Variants in MIER2 observed in about 807,000 individuals in gnomAD.
MIER2 encodes the protein mesoderm induction early response protein 2.
A neutral mutation model predicts 67.6 loss-of-function variants in MIER2; 30 were observed. The observed-to-expected ratio is 0.44, with a 90% CI of 0.33 to 0.60. The LOEUF is 0.60. Among genes scored for constraint, MIER2 ranks in the 20% least tolerant of loss-of-function variants. The probability of loss-of-function intolerance (pLI) is 0.02; values close to 1 mark genes in which losing one functional copy is unlikely to be tolerated. For synonymous variants in MIER2, 372 were observed against 312.6 expected, an observed-to-expected ratio of 1.19 and a Z score of -2.00; for missense variants, 702 against 745.1, an observed-to-expected ratio of 0.94 and a Z score of 0.67.
intron 3 of MIER2, among the ~76,000 whole-genome samples, chr19:330,628 C>T (rs933882585): frequency 3.2e-4 from 49 of 151,220 alleles, no homozygotes; most frequent in African/African-American, 1.2e-3. Flanking sequence ...TAAGCCCCAA[C>T]ATGACTATAT....
rs1970699767 is a variant in MIER2 at position 307,353 on chromosome 19, G to A, written c.1382C>T (p.Ala461Val). The change falls in exon 13 of 14, where the codon GCT becomes GTT. Residue 461 changes from alanine (A) to valine (V), a missense_variant. Ala to Val is a moderately conservative substitution (Grantham distance 64). This residue lies in a region of MIER2 where 254 missense variants were observed against 262.8 expected (regional missense o/e 0.97). Coordinates refer to ENST00000264819, the MANE Select transcript of MIER2 (RefSeq NM_017550.3). ...CCTTGGGCTGGCGTCTGGCTCCGGA[G>A]CAGTGACAGCTGGCTGGTATGAGGC... ...DPASYQPAVTAPEPDASPRLA... is the reference protein window; with the variant it reads ...DPASYQPAVTVPEPDASPRLA... The A allele has an allele frequency of 2.5e-6, 4 of 1,605,610 alleles. No individual in the cohort carries two copies. The highest frequency in any genetic ancestry group is 1.3e-5 in the African/African-American group (1 of 75,012).
chr19:323,218 C>A (rs947986887), intron 7 of MIER2, among the ~76,000 whole-genome samples: 1 of 134,644 alleles, frequency 7.4e-6, no homozygotes, highest in Non-Finnish European at 1.7e-5. Flanking sequence ...CACAACCACG[C>A]AGACAACTCG....
chr19:316,841 T>C (rs1971255880), intron 7 of MIER2, among the ~76,000 whole-genome samples: 1 of 151,922 alleles, frequency 6.6e-6, no homozygotes, highest in Non-Finnish European at 1.5e-5. Context: ...TGGTGGCGTG[T>C]GCCTGTAGTC....
intron 3 of MIER2, 72 bp from the exon 4 acceptor site, chr19:328,061 C>G (rs1222091766): frequency 6.3e-7 from 1 of 1,581,572 alleles, no homozygotes. Context: ...GTCCTCTTGC[C>G]TGAGCCTCAC....
rs1301937034 is a variant in MIER2 at position 305,845 on chromosome 19, G to C, written c.*845C>G. Reference sequence around the variant, plus strand: ...CCATCTTGCTAGGAAGCTTCCCACAGAAGGAAGACCTGCAGGGCTGGGGAA... The same window carrying C: ...CCATCTTGCTAGGAAGCTTCCCACACAAGGAAGACCTGCAGGGCTGGGGAA... On this transcript the variant is annotated 3_prime_UTR_variant, in exon 14 of 14. Transcript: ENST00000264819. 5.2e-5 allele frequency: 8 copies of C among 152,576 alleles called. No individual in the cohort carries two copies. Among genetic ancestry groups the C allele is most frequent in the African/African-American group, 1.7e-4 (7 of 41,472 alleles). 9.5% of individuals were successfully genotyped at this position (152,576 alleles called of 1,614,324 possible). A position where few individuals can be genotyped will look rare whatever the true frequency, so the allele number is the denominator to read the frequency against.
chr19:337,164 C>T (rs1972295829), intron 1 of MIER2, among the ~76,000 whole-genome samples: 2 of 152,036 alleles, frequency 1.3e-5, no homozygotes, highest in Non-Finnish European at 2.9e-5. Context: ...TGTACATAAA[C>T]ACAAAACCCT....
chr19:325,660 C>T lies in MIER2; in HGVS notation c.630G>A (p.Leu210=), dbSNP rs764078619. ...GPQFQADLSN[L]HLNRHCEKIY... is the part of the protein sequence containing the mutation. ...TCTTCTCACAGTGCCGGTTCAAGTG[C>T]AGGTTGCTGAGGTCAGCTTGGAACT... The change falls in exon 7 of 14, where the codon CTG becomes CTA. Residue 210 remains leucine (L), a synonymous_variant. Coordinates refer to ENST00000264819, the MANE Select transcript of MIER2 (RefSeq NM_017550.3). The T allele has an allele frequency of 1.2e-6, 2 of 1,614,194 alleles. No individual in the cohort carries two copies. Among genetic ancestry groups the T allele is most frequent in the South Asian group, 2.2e-5 (2 of 91,078 alleles).
intron 5 of MIER2, 76 bp downstream of exon 5, chr19:327,057 A>G (rs1221500414): frequency 5.9e-6 from 9 of 1,522,830 alleles, no homozygotes; most frequent in Admixed American, 2.3e-5. Context: ...CATCAGCCCA[A>G]GGACCCTTCA....
chr19:308,988 G>C lies in MIER2; in HGVS notation c.985-63C>G. On this transcript the variant is annotated intron_variant, in intron 10 of 13. Transcript: ENST00000264819. This position sits in a 1 kb window ranked among gnomAD's most constrained non-coding sequence, Gnocchi z 9.1. ...TGCCCAGCCCCAGCACCTGCACCAC[G>C]ATCCCAGGACGTCCTGGGACCCCGG... 6.4e-7 allele frequency: 1 copy of C among 1,563,080 alleles called. No homozygotes were observed. The highest frequency in any genetic ancestry group is 8.7e-7 in the Non-Finnish European group (1 of 1,149,502).
chr19:310,571 GAAACAC>G, intron 10 of MIER2, among the ~76,000 whole-genome samples: 1 of 151,502 alleles, frequency 6.6e-6, no homozygotes, highest in Non-Finnish European at 1.5e-5. Context: ...CGGAGCTATA[GAAACAC>G]GGCCGGGAGC....
chr19:322,454 C>T (rs760422143), intron 7 of MIER2, among the ~76,000 whole-genome samples: 2 of 152,074 alleles, frequency 1.3e-5, no homozygotes, highest in Admixed American at 6.5e-5. Context: ...CAGCAGTGCA[C>T]AAAGCCCAGA....
intron 12 of MIER2, among the ~76,000 whole-genome samples, chr19:307,810 T>C (rs1414036059): frequency 1.3e-5 from 2 of 151,570 alleles, no homozygotes; most frequent in East Asian, 1.9e-4. Context: ...GTGTAAACAA[T>C]GCCGGGGGCA....
At chr19:329,594 G>A (rs971611688) in intron 3 of MIER2, among the ~76,000 whole-genome samples, 1 of 152,172 alleles carries the variant, frequency 6.6e-6, no homozygotes, top group Non-Finnish European at 1.5e-5. Context: ...CTTCACTTCA[G>A]AAGATGCTGG....
At chr19:319,645 G>A (rs759711147) in intron 7 of MIER2, among the ~76,000 whole-genome samples, 2 of 152,156 alleles carry the variant, frequency 1.3e-5, no homozygotes, top group East Asian at 2.0e-4. Context: ...TTTTAGTAGC[G>A]ACAGGGTTTC....
Position 311,885 on chromosome 19 carries a change from C to A in MIER2, c.944G>T (p.Arg315Leu). The A allele has an allele frequency of 6.2e-7, 1 of 1,614,068 alleles. No homozygotes were observed. The highest frequency in any genetic ancestry group is 8.5e-7 in the Non-Finnish European group (1 of 1,179,948). Residue 315 changes from arginine (R) to leucine (L), a missense_variant, in exon 10 of 14, where the codon CGT (arginine) becomes CTT (leucine). Around this residue, in one of 3 missense-constraint regions of MIER2, gnomAD observed 128 missense variants for 189.7 expected, o/e 0.67. Coordinates refer to ENST00000264819, the MANE Select transcript of MIER2 (RefSeq NM_017550.3). ...CAGGTGAAAGTTCTTTCCATGCACA[C>A]GGAAGCCGTGCTCAAAGTTCCTGCA... ...EECRNFEHGF[R>L]VHGKNFHLIQ...
chr19:337,846 GC>G (rs1374838177), intron 1 of MIER2, among the ~76,000 whole-genome samples: 7 of 98,068 alleles, frequency 7.1e-5, no homozygotes, highest in East Asian at 3.2e-4. Flanking sequence ...TCCAGCCTGG[GC>G]AACAGAGCAA....
intron 13 of MIER2, 39 bp from the exon 14 acceptor site, chr19:306,750 G>C: frequency 6.4e-7 from 1 of 1,554,058 alleles, no homozygotes; most frequent in Non-Finnish European, 8.7e-7. Flanking sequence ...GAGAGTGTCA[G>C]TGCGGCCCCA....
intron 6 of MIER2, 52 bp from the exon 7 acceptor site, chr19:325,756 C>T (rs567621708): frequency 1.0e-5 from 16 of 1,604,174 alleles, no homozygotes; most frequent in Non-Finnish European, 1.2e-5. Flanking sequence ...CTAGGCCGGG[C>T]GGGAGGCTGG....
intron 3 of MIER2, among the ~76,000 whole-genome samples, chr19:330,011 C>G (rs780391088): frequency 6.6e-6 from 1 of 151,952 alleles, no homozygotes; most frequent in Non-Finnish European, 1.5e-5. Context: ...GTGGTTCCTT[C>G]AAGGAACCAC....
Sources: gnomAD v4.1 joint callset for allele counts (sites outside exome capture counted in the v4.1 genomes callset) on GRCh38, gnomAD v4.1.1 for gene constraint, gnomAD v4.1.1 regional missense constraint, Gnocchi (gnomAD v3.1) non-coding constraint, MANE v1.5 for transcripts, NCBI Gene and HGNC (gene_info 2026-07-23, HGNC 2026-07-21) for gene names.